OR1F1: variants seen among roughly 807,000 people sequenced by gnomAD.
The protein encoded by OR1F1 is olfactory receptor family 1 subfamily F member 1.
For synonymous variants in OR1F1, 184 were observed against 156.7 expected (o/e 1.17, Z -1.30); for missense variants, 493 against 376.3 (o/e 1.31, Z -2.57).
chr16:3,193,363 A>C, the OR1F1 span, among the ~76,000 whole-genome samples: 1 of 152,074 alleles, frequency 6.6e-6, no homozygotes, highest in Non-Finnish European at 1.5e-5. Flanking sequence ...TTGCTCTCTG[A>C]CTCCGAAGGA....
the OR1F1 span, among the ~76,000 whole-genome samples, chr16:3,190,027 C>G: frequency 6.6e-6 from 1 of 152,094 alleles, no homozygotes; most frequent in Non-Finnish European, 1.5e-5. Context: ...TCCCTATATA[C>G]AATAAGAGCC....
the OR1F1 span, among the ~76,000 whole-genome samples, chr16:3,197,282 G>C: frequency 6.6e-6 from 1 of 151,548 alleles, no homozygotes; most frequent in East Asian, 1.9e-4. Flanking sequence ...GCCTCCCAAA[G>C]TGCTGGGATT....
chr16:3,202,818 A>G (rs374142131), upstream of OR1F1, among the ~76,000 whole-genome samples: 315 of 152,194 alleles, frequency 2.1e-3, 4 homozygotes, highest in African/African-American at 7.1e-3. Context: ...AGTTATTACA[A>G]CCCTACAAGG....
At chr16:3,204,267 G>C (rs144582974) in exon 1 of OR1F1, 2 of 1,609,292 alleles carry the variant, frequency 1.2e-6, no homozygotes, top group African/African-American at 1.3e-5. Flanking sequence ...CAAACCAGTC[G>C]AGTGTCTCCG....
chr16:3,188,682 G>A, the OR1F1 span, among the ~76,000 whole-genome samples: 1 of 152,126 alleles, frequency 6.6e-6, no homozygotes, highest in Non-Finnish European at 1.5e-5. Flanking sequence ...CACTGAGAGC[G>A]AGGGAATTCG....
the OR1F1 span, among the ~76,000 whole-genome samples, chr16:3,192,040 G>C: frequency 1.1e-4 from 17 of 152,076 alleles, no homozygotes; most frequent in African/African-American, 3.9e-4. Flanking sequence ...GAGGTCCCGG[G>C]TTCAAATCCC....
chr16:3,188,982 C>T, the OR1F1 span, among the ~76,000 whole-genome samples: 1 of 152,198 alleles, frequency 6.6e-6, no homozygotes, highest in Non-Finnish European at 1.5e-5. Flanking sequence ...AGAGCTCAGC[C>T]ATCCTGGGCA....
At chr16:3,190,320 G>C in the OR1F1 span, among the ~76,000 whole-genome samples, 1 of 152,308 alleles carries the variant, frequency 6.6e-6, no homozygotes, top group Non-Finnish European at 1.5e-5. Flanking sequence ...GAGTCCCAGC[G>C]CCCACCAGGA....
At chr16:3,205,093 C>T in exon 1 of OR1F1, 2 of 1,613,974 alleles carry the variant, frequency 1.2e-6, no homozygotes, top group Non-Finnish European at 1.7e-6. Flanking sequence ...AGTAGTGACT[C>T]CCATGCTAAA....
chr16:3,192,591 A>C, the OR1F1 span, among the ~76,000 whole-genome samples: 1 of 152,238 alleles, frequency 6.6e-6, no homozygotes, highest in East Asian at 1.9e-4. Flanking sequence ...TAGGTAAATG[A>C]CAGTCACAGC....
chr16:3,190,462 A>ACAAGGAGG, the OR1F1 span, among the ~76,000 whole-genome samples: 1 of 152,192 alleles, frequency 6.6e-6, no homozygotes, highest in African/African-American at 2.4e-5. Context: ...TGGACCCAGC[A>ACAAGGAGG]CAAGGAGGCA....
At chr16:3,205,848 T>C (rs780061134), downstream of OR1F1, among the ~76,000 whole-genome samples, 2 of 152,158 alleles carry the variant, frequency 1.3e-5, no homozygotes, top group Non-Finnish European at 2.9e-5. Flanking sequence ...TACCTAACTA[T>C]ACAAATTGAT....
At chr16:3,196,810 C>T in the OR1F1 span, among the ~76,000 whole-genome samples, 1 of 151,818 alleles carries the variant, frequency 6.6e-6, no homozygotes, top group Non-Finnish European at 1.5e-5. Context: ...CCAGCCTCAC[C>T]TCAGCCTCCC....
the OR1F1 span, among the ~76,000 whole-genome samples, chr16:3,190,749 TAAAAAAA>T: frequency 3.3e-5 from 3 of 92,232 alleles, no homozygotes; most frequent in Middle Eastern, 0.017. Context: ...AGACTCTATC[TAAAAAAA>T]AAAAAAAAAA....
chr16:3,195,692 A>AAG, the OR1F1 span, among the ~76,000 whole-genome samples: 2 of 151,678 alleles, frequency 1.3e-5, no homozygotes, highest in Admixed American at 6.6e-5. Flanking sequence ...AAAAAAAAAA[A>AAG]AAGAAGTGAA....
At chr16:3,191,754 T>A in the OR1F1 span, among the ~76,000 whole-genome samples, 7 of 151,738 alleles carry the variant, frequency 4.6e-5, no homozygotes, top group East Asian at 1.4e-3. Flanking sequence ...GACGGGCTGG[T>A]TGCCAGCCAG....
At chr16:3,201,853 C>T (rs926378817), upstream of OR1F1, among the ~76,000 whole-genome samples, 1 of 152,152 alleles carries the variant, frequency 6.6e-6, no homozygotes, top group East Asian at 1.9e-4. Flanking sequence ...GTGACCCAAA[C>T]GTTACTACCC....
exon 1 of OR1F1, chr16:3,204,521 TCTC>T: frequency 6.2e-7 from 1 of 1,614,192 alleles, no homozygotes. Context: ...ACTCAGACCA[TCTC>T]CTTCTGTGGC....
At chr16:3,193,306 C>G in the OR1F1 span, among the ~76,000 whole-genome samples, 6 of 152,192 alleles carry the variant, frequency 3.9e-5, no homozygotes, top group African/African-American at 1.4e-4. Flanking sequence ...AAGGGCCTCG[C>G]GTCAAGGCTC....
Sources: allele counts gnomAD v4.1 joint callset (sites outside exome capture counted in the v4.1 genomes callset), GRCh38; gene constraint gnomAD v4.1.1; transcripts MANE v1.5; gene names NCBI Gene and HGNC (gene_info 2026-07-23, HGNC 2026-07-21).